Variants in DLGAP1 observed in about 807,000 individuals in gnomAD.
DLGAP1 encodes the protein disks large-associated protein 1.
Under a neutral mutation model 90.8 loss-of-function variants are expected in DLGAP1, and 11 were observed. That is an observed-to-expected ratio of 0.12 (90% CI 0.08 to 0.20). The LOEUF is 0.20. Among genes scored for constraint, DLGAP1 ranks in the 10% least tolerant of loss-of-function variants. The pLI, the probability that DLGAP1 is intolerant of heterozygous loss-of-function variation, is 1.00. For missense variants in DLGAP1, 1,050 were observed against 1,333.8 expected (o/e 0.79, Z 3.31); for synonymous variants, 558 against 540.7 (o/e 1.03, Z -0.44).
intron 5 of DLGAP1, among the ~76,000 whole-genome samples, chr18:3,804,769 T>C (rs2066489809): frequency 6.6e-6 from 1 of 152,228 alleles, no homozygotes; most frequent in Non-Finnish European, 1.5e-5. Flanking sequence ...TAGCATTTGT[T>C]CAACATCCCC....
At chr18:4,440,887 T>C (rs1229352578) in intron 1 of DLGAP1, among the ~76,000 whole-genome samples, 1 of 152,240 alleles carries the variant, frequency 6.6e-6, no homozygotes, top group Non-Finnish European at 1.5e-5. Context: ...CACTCTAGTA[T>C]TCTGTGGACT....
intron 2 of DLGAP1, among the ~76,000 whole-genome samples, chr18:4,056,376 C>A (rs780596741): frequency 6.6e-6 from 1 of 152,158 alleles, no homozygotes; most frequent in Non-Finnish European, 1.5e-5. Context: ...CCAGAAGCGG[C>A]CTGGGGAAAA....
chr18:4,340,263 G>A (rs578165346), intron 1 of DLGAP1, among the ~76,000 whole-genome samples: 110 of 152,296 alleles, frequency 7.2e-4, no homozygotes, highest in African/African-American at 2.6e-3. Context: ...GCTACTGAGG[G>A]ACTAATGGGT....
At chr18:3,828,639 CAA>C (rs71368713) in intron 4 of DLGAP1, among the ~76,000 whole-genome samples, 11 of 21,366 alleles carry the variant, frequency 5.1e-4, no homozygotes, top group Admixed American at 7.1e-4. Flanking sequence ...GACTCTATCT[CAA>C]AAAAAAAAAA....
intron 5 of DLGAP1, among the ~76,000 whole-genome samples, chr18:3,788,537 T>C (rs1258000384): frequency 6.6e-6 from 1 of 152,192 alleles, no homozygotes; most frequent in Non-Finnish European, 1.5e-5. Flanking sequence ...CCTTTTTTTC[T>C]GAGGATTACA....
At chr18:3,883,726 C>T (rs2071239167) in intron 3 of DLGAP1, among the ~76,000 whole-genome samples, 1 of 152,054 alleles carries the variant, frequency 6.6e-6, no homozygotes, top group African/African-American at 2.4e-5. Context: ...TGGGCAAGGC[C>T]AAGGAAAGAT....
At chr18:3,512,498 T>C (rs1485176938) in intron 10 of DLGAP1, among the ~76,000 whole-genome samples, 1 of 152,206 alleles carries the variant, frequency 6.6e-6, no homozygotes, top group Non-Finnish European at 1.5e-5. Context: ...CCACAACAGA[T>C]ATTTAAGAAG....
At chr18:4,407,031 A>C (rs774378572) in intron 1 of DLGAP1, among the ~76,000 whole-genome samples, 3 of 152,206 alleles carry the variant, frequency 2.0e-5, no homozygotes, top group Admixed American at 1.3e-4. Flanking sequence ...TGTCACATTA[A>C]GTTAGATTTT....
chr18:4,248,043 G>A (rs2078691282), intron 1 of DLGAP1, among the ~76,000 whole-genome samples: 2 of 151,994 alleles, frequency 1.3e-5, no homozygotes, highest in Non-Finnish European at 1.5e-5. Flanking sequence ...TGCGAGAGAT[G>A]AAAAAAATAT....
chr18:3,627,301 G>A (rs998669392), intron 7 of DLGAP1, among the ~76,000 whole-genome samples: 2 of 152,134 alleles, frequency 1.3e-5, no homozygotes, highest in African/African-American at 2.4e-5. Flanking sequence ...ATGCTCTTGA[G>A]AAGAACAGAT....
chr18:3,997,856 A>G (rs1240751503), intron 3 of DLGAP1, among the ~76,000 whole-genome samples: 1 of 151,994 alleles, frequency 6.6e-6, no homozygotes, highest in East Asian at 1.9e-4. Context: ...TCTTTTTTTC[A>G]TATTAAGTTT....
chr18:4,038,068 A>G (rs763147570), intron 2 of DLGAP1, among the ~76,000 whole-genome samples: 1 of 152,202 alleles, frequency 6.6e-6, no homozygotes, highest in Non-Finnish European at 1.5e-5. Flanking sequence ...GCTCACTCTA[A>G]TAACTCTAGA....
At chr18:3,635,486 C>A (rs950259855) in intron 7 of DLGAP1, among the ~76,000 whole-genome samples, 1 of 151,314 alleles carries the variant, frequency 6.6e-6, no homozygotes, top group Non-Finnish European at 1.5e-5. Flanking sequence ...ACCTTCTTGG[C>A]CAACTCATTC....
chr18:3,762,593 C>A (rs1191240171), intron 5 of DLGAP1, among the ~76,000 whole-genome samples: 2 of 152,082 alleles, frequency 1.3e-5, no homozygotes, highest in African/African-American at 4.8e-5. Context: ...TAAAGAGAGA[C>A]CCTTAAATAA....
At chr18:4,000,253 A>G (rs1376655197) in intron 3 of DLGAP1, among the ~76,000 whole-genome samples, 3 of 152,176 alleles carry the variant, frequency 2.0e-5, no homozygotes, top group African/African-American at 7.2e-5. Flanking sequence ...TACTATGAAT[A>G]AAATTGAAAT....
At chr18:3,846,583 G>GTA (rs1227801209) in intron 4 of DLGAP1, among the ~76,000 whole-genome samples, 1 of 152,128 alleles carries the variant, frequency 6.6e-6, no homozygotes, top group African/African-American at 2.4e-5. Flanking sequence ...TAAAAGTGTA[G>GTA]TATATCCATA....
intron 4 of DLGAP1, among the ~76,000 whole-genome samples, chr18:3,815,412 C>T (rs1220766100): frequency 1.3e-5 from 2 of 152,120 alleles, no homozygotes; most frequent in Non-Finnish European, 2.9e-5. Context: ...TCTGCACACC[C>T]GTGCACACAC....
In DLGAP1 at chr18:4,383,986, T is replaced by C. The variant is rs566295900; in HGVS notation, c.-267+71020A>G. On this transcript the variant is annotated intron_variant, in intron 1 of 12. Transcript: ENST00000315677. This position sits in a 1 kb window ranked among gnomAD's most constrained non-coding sequence, Gnocchi z 4.0. ...AAGATGTACAAAAGTCAAAACAGCT[T>C]CCATACACTATGGTAATGTCATAAA... Among the ~76,000 whole-genome samples, 1 of 152,262 alleles carries C rather than the reference T, an allele frequency of 6.6e-6. No homozygotes were observed. Among genetic ancestry groups the C allele is most frequent in the South Asian group, 2.1e-4 (1 of 4,830 alleles).
intron 1 of DLGAP1, among the ~76,000 whole-genome samples, chr18:4,262,167 G>A (rs1167372780): frequency 6.6e-6 from 1 of 152,172 alleles, no homozygotes; most frequent in East Asian, 1.9e-4. Context: ...AGTTCTACAT[G>A]TAATTAAAAC....
Sources: allele counts gnomAD v4.1 joint callset (sites outside exome capture counted in the v4.1 genomes callset), GRCh38; gene constraint gnomAD v4.1.1; non-coding constraint Gnocchi (gnomAD v3.1); transcripts MANE v1.5; gene names NCBI Gene and HGNC (gene_info 2026-07-23, HGNC 2026-07-21).